Variants in PRKD1 observed in about 807,000 individuals in gnomAD.
PRKD1 encodes protein kinase D1, also known as serine/threonine-protein kinase D1.
PRKD1 carries 63 observed loss-of-function variants against 95.9 expected under a neutral mutation model. The ratio of observed to expected loss-of-function variants is 0.66; its 90% CI spans 0.54 to 0.81. The LOEUF is 0.81. Ranked by LOEUF, PRKD1 falls within the 30% of genes least tolerant of loss-of-function variation. The pLI is 0.00. For missense variants in PRKD1, 1,048 were observed against 1,165.3 expected (o/e 0.90, Z 1.47); for synonymous variants, 425 against 423.1 (o/e 1.00, Z -0.05).
intron 1 of PRKD1, among the ~76,000 whole-genome samples, chr14:29,826,437 TATATATATACATATATATGATGGA>T (rs1401039721): frequency 0.14 from 14,918 of 105,828 alleles, 1,849 homozygotes; most frequent in African/African-American, 0.18. Context: ...TATGATGGAA[TATATATATACATATATATGATGGA>T]ATATATATAC....
At chr14:29,622,367 C>T (rs117485215) in intron 13 of PRKD1, among the ~76,000 whole-genome samples, 46 of 144,866 alleles carry the variant, frequency 3.2e-4, no homozygotes, top group Non-Finnish European at 1.6e-4. Flanking sequence ...GTATTTTTCT[C>T]CCTTCCTTCC....
At chr14:29,872,126 CTG>C (rs1893129081) in intron 1 of PRKD1, among the ~76,000 whole-genome samples, 1 of 152,128 alleles carries the variant, frequency 6.6e-6, no homozygotes, top group Non-Finnish European at 1.5e-5. Flanking sequence ...CTCTGCTAAA[CTG>C]TTAGATTGAC....
intron 2 of PRKD1, among the ~76,000 whole-genome samples, chr14:29,723,160 A>G (rs1885980377): frequency 6.6e-6 from 1 of 152,234 alleles, no homozygotes; most frequent in Non-Finnish European, 1.5e-5. Flanking sequence ...ATGAATGAGT[A>G]CTTAAAATGG....
At chr14:29,704,146 G>A (rs1884969669) in intron 2 of PRKD1, among the ~76,000 whole-genome samples, 1 of 152,134 alleles carries the variant, frequency 6.6e-6, no homozygotes, top group African/African-American at 2.4e-5. Context: ...AGGGTATCTA[G>A]TGAAGAGACA....
intron 1 of PRKD1, among the ~76,000 whole-genome samples, chr14:29,797,324 A>C (rs1889861590): frequency 6.6e-6 from 1 of 152,196 alleles, no homozygotes; most frequent in Admixed American, 6.5e-5. Context: ...CTCTTTGGTA[A>C]TAATTGATCA....
At position 29,658,158 on chromosome 14, in the gene PRKD1, C is replaced by T. The variant is rs1227252297; in HGVS notation, c.696+5541G>A. On this transcript the variant is annotated intron_variant, in intron 4 of 17. Coordinates refer to ENST00000331968, the MANE Select transcript of PRKD1 (RefSeq NM_002742.3). ...GATACCCAAAGTGTATATTTTTCCT[C>T]CAGTTAGTAGCCCTGAATCTCTTTT... Among the ~76,000 whole-genome samples the T allele has an allele frequency of 2.6e-5, 4 of 152,168 alleles. No homozygotes were observed. In the East Asian group the frequency reaches 7.7e-4, roughly 29 times the overall value.
intron 1 of PRKD1, among the ~76,000 whole-genome samples, chr14:29,846,995 G>A (rs1474387699): frequency 6.6e-6 from 1 of 152,142 alleles, no homozygotes; most frequent in Non-Finnish European, 1.5e-5. Flanking sequence ...CCAACTGCAG[G>A]GTCGATAGCC....
intron 2 of PRKD1, among the ~76,000 whole-genome samples, chr14:29,707,571 T>C (rs925122238): frequency 1.8e-4 from 27 of 152,114 alleles, no homozygotes; most frequent in African/African-American, 6.5e-4. Context: ...AATAGCCAAA[T>C]AGATAATTTA....
intron 4 of PRKD1, among the ~76,000 whole-genome samples, chr14:29,660,171 C>A (rs938242546): frequency 9.2e-5 from 14 of 152,176 alleles, no homozygotes; most frequent in East Asian, 1.9e-4. Flanking sequence ...AAAGACCATT[C>A]TTTTCTCACA....
intron 4 of PRKD1, among the ~76,000 whole-genome samples, chr14:29,641,530 A>C (rs1479920121): frequency 6.6e-6 from 1 of 152,210 alleles, no homozygotes; most frequent in East Asian, 1.9e-4. Flanking sequence ...ACCTTGGGAA[A>C]GCGAGAGTGG....
chr14:29,789,758 C>A (rs780772753), intron 1 of PRKD1, among the ~76,000 whole-genome samples: 1 of 152,002 alleles, frequency 6.6e-6, no homozygotes, highest in South Asian at 2.1e-4. Flanking sequence ...TATTGTCAGG[C>A]CCCCGGACAG....
At chr14:29,626,715 ACT>A (rs1174865548) in intron 11 of PRKD1, among the ~76,000 whole-genome samples, 159 bp from the exon 12 acceptor site, 2 of 135,332 alleles carry the variant, frequency 1.5e-5, no homozygotes. Flanking sequence ...TTCAAAGCAC[ACT>A]CTTTTTTTTT....
At chr14:29,678,888 T>C in intron 2 of PRKD1, among the ~76,000 whole-genome samples, 1 of 152,354 alleles carries the variant, frequency 6.6e-6, no homozygotes, top group East Asian at 1.9e-4. Flanking sequence ...GAAATATTAT[T>C]AGAAATGATA....
intron 1 of PRKD1, among the ~76,000 whole-genome samples, chr14:29,725,915 C>T (rs1340927316): frequency 6.6e-6 from 1 of 151,620 alleles, no homozygotes; most frequent in Non-Finnish European, 1.5e-5. Flanking sequence ...TCTAATTAGA[C>T]AGCAAGAAAA....
intron 4 of PRKD1, among the ~76,000 whole-genome samples, chr14:29,640,691 T>C (rs1318559531): frequency 6.6e-6 from 1 of 152,164 alleles, no homozygotes. Flanking sequence ...CTGTAGCCAA[T>C]GGGCCTGTTT....
At position 29,850,624 on chromosome 14, in the gene PRKD1, A is replaced by G. The variant is rs185723159; in HGVS notation, c.264+76625T>C. Among the ~76,000 whole-genome samples the G allele has an allele frequency of 2.2e-3, 342 of 152,264 alleles. 1 individual carries two copies. The highest frequency in any genetic ancestry group is 8.0e-3 in the African/African-American group (333 of 41,568). On this transcript the variant is annotated intron_variant, in intron 1 of 17. Transcript: ENST00000331968. ...ACACTCCTGCTCATGGATTGGATGAAGCAATATCATAAAAATGGCCATACT... is the reference window on the plus strand; with the variant it reads ...ACACTCCTGCTCATGGATTGGATGAGGCAATATCATAAAAATGGCCATACT...
At chr14:29,599,215 AT>A (rs1893421672) in intron 14 of PRKD1, 90 bp from the exon 15 acceptor site, 7 of 1,038,008 alleles carry the variant, frequency 6.7e-6, no homozygotes, top group Non-Finnish European at 1.0e-5. Flanking sequence ...AAAACTGACA[AT>A]GGACATTCAA....
chr14:29,599,666 A>C lies in PRKD1; in HGVS notation c.2057T>G (p.Leu686Ter). 6.2e-7 allele frequency: 1 copy of C among 1,610,070 alleles called. No individual in the cohort carries two copies. The highest frequency in any genetic ancestry group is 8.5e-7 in the Non-Finnish European group (1 of 1,178,766). Residue 686 changes from leucine to a stop codon, truncating the protein, a stop_gained, in exon 14 of 18, where the codon TTA becomes TGA. Transcript: ENST00000331968. LOFTEE classifies it high-confidence loss of function. ...TAATTGATTTCTTACCTGAGTAATT[A>C]AAAACTTCGTTATGTGCTCTGGCAA... ...GRLPEHITKF[L>*]ITQILVALRH...
chr14:29,659,766 G>T (rs1180208298), intron 4 of PRKD1, among the ~76,000 whole-genome samples: 2 of 152,120 alleles, frequency 1.3e-5, no homozygotes, highest in Non-Finnish European at 2.9e-5. Context: ...TAATGTGCTG[G>T]TTAAGTATAT....
Sources: gnomAD v4.1 joint callset for allele counts (sites outside exome capture counted in the v4.1 genomes callset) on GRCh38, gnomAD v4.1.1 for gene constraint, MANE v1.5 for transcripts, NCBI Gene and HGNC (gene_info 2026-07-23, HGNC 2026-07-21) for gene names.